LINGO2: variants seen among roughly 807,000 people sequenced by gnomAD.
LINGO2 encodes leucine rich repeat and Ig domain containing 2.
LINGO2 carries 14 observed loss-of-function variants against 30.6 expected under a neutral mutation model. The ratio of observed to expected loss-of-function variants is 0.46; its 90% CI spans 0.30 to 0.72. The LOEUF is 0.72. LINGO2 is among the 30% of genes least tolerant of loss of function. The probability of loss-of-function intolerance (pLI) is 0.07; values close to 1 mark genes in which losing one functional copy is unlikely to be tolerated. For synonymous variants in LINGO2, 317 were observed against 288.5 expected (o/e 1.10, Z -1.00); for missense variants, 729 against 751.7 (o/e 0.97, Z 0.35).
chr9:28,530,185 C>T lies in LINGO2; in HGVS notation c.-364-54160G>A, dbSNP rs117304155. 5.8e-3 allele frequency among the ~76,000 whole-genome samples: 875 copies of T among 152,086 alleles called. 5 individuals are homozygous for T. The highest frequency in any genetic ancestry group is 9.2e-3 in the African/African-American group (382 of 41,518). ...TGAGAAATCATTGTAAGCAATGTCT[C>T]TTAATCAGACAATTCCAGACAAGTT... On this transcript the variant is annotated intron_variant, in intron 1 of 5. Transcript: ENST00000379992.
At chr9:29,075,203 A>G in the LINGO2 span, among the ~76,000 whole-genome samples, 2 of 152,188 alleles carry the variant, frequency 1.3e-5, no homozygotes, top group Non-Finnish European at 2.9e-5. Context: ...TAACAACATT[A>G]ATAAATAAAC....
chr9:28,322,024 C>A (rs1453989718), intron 3 of LINGO2, among the ~76,000 whole-genome samples: 1 of 152,210 alleles, frequency 6.6e-6, no homozygotes, highest in African/African-American at 2.4e-5. Flanking sequence ...GCTTTCCATG[C>A]TACTTGGAAT....
chr9:28,008,528 ATCTC>A (rs150761270), intron 5 of LINGO2, among the ~76,000 whole-genome samples: 6,259 of 152,124 alleles, frequency 0.041, 210 homozygotes, highest in African/African-American at 0.091. Flanking sequence ...AGAATTAAAA[ATCTC>A]TCTTTGTTGA....
chr9:29,205,965 C>A, the LINGO2 span, among the ~76,000 whole-genome samples: 1 of 152,154 alleles, frequency 6.6e-6, no homozygotes, highest in Non-Finnish European at 1.5e-5. Context: ...GTACATTTCA[C>A]CTAATTATAT....
the LINGO2 span, among the ~76,000 whole-genome samples, chr9:29,204,795 C>T: frequency 6.6e-6 from 1 of 152,170 alleles, no homozygotes; most frequent in Non-Finnish European, 1.5e-5. Flanking sequence ...CTGCCTGAGT[C>T]TTTTTCTCAC....
At chr9:28,239,455 A>G (rs1239601291) in intron 4 of LINGO2, among the ~76,000 whole-genome samples, 1 of 152,224 alleles carries the variant, frequency 6.6e-6, no homozygotes, top group Non-Finnish European at 1.5e-5. Flanking sequence ...AGTAGGATTT[A>G]CAACAGGGCT....
chr9:28,951,488 C>T, the LINGO2 span, among the ~76,000 whole-genome samples: 1,637 of 152,152 alleles, frequency 0.011, 91 homozygotes, highest in Admixed American at 0.095. Context: ...ACCCTGTCAG[C>T]GGCAGTCATT....
At chr9:28,825,413 G>A in the LINGO2 span, among the ~76,000 whole-genome samples, 11 of 144,030 alleles carry the variant, frequency 7.6e-5, no homozygotes, top group African/African-American at 2.4e-4. Flanking sequence ...AGCAGGAGTC[G>A]AATTGCAGAG....
chr9:29,095,582 C>G, the LINGO2 span, among the ~76,000 whole-genome samples: 1 of 138,698 alleles, frequency 7.2e-6, no homozygotes. Context: ...TAGGGGCAGG[C>G]AATAAGCATT....
intron 4 of LINGO2, among the ~76,000 whole-genome samples, chr9:28,077,177 AAAACTGACAGTCAAT>A (rs1825649441): frequency 6.6e-6 from 1 of 152,162 alleles, no homozygotes. Context: ...AAATCACAAG[AAAACTGACAGTCAAT>A]GGACCACCAA....
intron 4 of LINGO2, among the ~76,000 whole-genome samples, chr9:28,099,952 T>C (rs1440324554): frequency 6.6e-6 from 1 of 152,210 alleles, no homozygotes; most frequent in African/African-American, 2.4e-5. Context: ...ATCATATTAC[T>C]TCTACAAATA....
chr9:29,053,699 T>C, the LINGO2 span, among the ~76,000 whole-genome samples: 1 of 152,198 alleles, frequency 6.6e-6, no homozygotes, highest in Admixed American at 6.6e-5. Flanking sequence ...AATTATTACA[T>C]GAATAAATGT....
chr9:28,978,678 T>C, the LINGO2 span, among the ~76,000 whole-genome samples: 32 of 152,230 alleles, frequency 2.1e-4, no homozygotes, highest in African/African-American at 7.2e-4. Flanking sequence ...GAATTCACTA[T>C]GGCCAATTTT....
chr9:28,870,519 A>C, the LINGO2 span, among the ~76,000 whole-genome samples: 1 of 152,022 alleles, frequency 6.6e-6, no homozygotes, highest in African/African-American at 2.4e-5. Context: ...CAATGTTCCT[A>C]CTGCTAGTAT....
In LINGO2 at chr9:28,232,382, C is replaced by T. The variant is rs552007896; in HGVS notation, c.-87+62826G>A. The stretch of plus-strand genomic sequence containing the variant: ...GCACTGAGCTGAGGTTGCGCCACTG[C>T]ACTCCAGCCTGGGTGACAGAACGAG... On this transcript the variant is annotated intron_variant, in intron 4 of 5. Transcript: ENST00000379992. Among the ~76,000 whole-genome samples, 394 of 135,848 alleles carry T rather than the reference C, an allele frequency of 2.9e-3. 2 individuals carry two copies. The highest frequency in any genetic ancestry group is 5.1e-3 in the Non-Finnish European group (333 of 65,666). 89.1% of individuals were successfully genotyped at this position (135,848 alleles called of 152,430 possible).
intron 4 of LINGO2, chr9:28,149,082 G>A: frequency 1.3e-6 from 2 of 1,534,144 alleles, no homozygotes; most frequent in Non-Finnish European, 1.7e-6. Flanking sequence ...CTGTTGGTGG[G>A]TCAGGCTTCC....
At chr9:28,216,454 C>G (rs1820770192) in intron 4 of LINGO2, among the ~76,000 whole-genome samples, 1 of 151,878 alleles carries the variant, frequency 6.6e-6, no homozygotes, top group South Asian at 2.1e-4. Context: ...TGTAGCATAA[C>G]TCACTTATAT....
chr9:28,171,128 T>C (rs756164563), intron 4 of LINGO2, among the ~76,000 whole-genome samples: 11 of 152,320 alleles, frequency 7.2e-5, no homozygotes, highest in East Asian at 1.9e-4. Flanking sequence ...TGGTGGTAGC[T>C]GTGGGACAAT....
chr9:28,438,751 G>A (rs1027609386), intron 2 of LINGO2, among the ~76,000 whole-genome samples: 3 of 151,046 alleles, frequency 2.0e-5, no homozygotes, highest in Admixed American at 1.3e-4. Flanking sequence ...AAGGGCTAAT[G>A]CCTTTGTCTT....
Sources: allele counts gnomAD v4.1 joint callset (sites outside exome capture counted in the v4.1 genomes callset), GRCh38; gene constraint gnomAD v4.1.1; transcripts MANE v1.5; gene names NCBI Gene and HGNC (gene_info 2026-07-23, HGNC 2026-07-21).